RIMKLB: variants seen among roughly 807,000 people sequenced by gnomAD.
The protein encoded by RIMKLB is beta-citrylglutamate synthase B.
In RIMKLB, 7 loss-of-function variants were observed where a neutral mutation model predicts 32.0. That is an observed-to-expected ratio of 0.22 (90% CI 0.12 to 0.41). The LOEUF (loss-of-function observed/expected upper bound fraction) is 0.41, where lower values mean the gene tolerates loss of function less well. RIMKLB is among the 10% of genes least tolerant of loss of function. The probability of loss-of-function intolerance (pLI) is 1.00; values close to 1 mark genes in which losing one functional copy is unlikely to be tolerated. For synonymous variants in RIMKLB, 172 were observed against 185.1 expected (o/e 0.93, Z 0.57); for missense variants, 289 against 498.7 (o/e 0.58, Z 4.00).
chr12:8,682,239 G>A (rs1006709352), intron 1 of RIMKLB, among the ~76,000 whole-genome samples: 3 of 152,156 alleles, frequency 2.0e-5, no homozygotes, highest in African/African-American at 7.2e-5. Context: ...GGACACGAGA[G>A]GGCAACAAAT....
chr12:8,689,983 G>A (rs1310959816), intron 1 of RIMKLB, among the ~76,000 whole-genome samples: 25 of 152,042 alleles, frequency 1.6e-4, no homozygotes, highest in Non-Finnish European at 7.3e-5. Context: ...GTGACTGTCA[G>A]GGACTCTGAC....
intron 1 of RIMKLB, among the ~76,000 whole-genome samples, chr12:8,710,965 C>CAA (rs748394546): frequency 1.3e-3 from 84 of 65,672 alleles, no homozygotes; most frequent in African/African-American, 3.4e-3. Flanking sequence ...ACATCTTTAC[C>CAA]AAAAAAAAAA....
At chr12:8,687,870 C>T (rs929803801) in intron 1 of RIMKLB, among the ~76,000 whole-genome samples, 1 of 125,940 alleles carries the variant, frequency 7.9e-6, no homozygotes, top group Admixed American at 8.1e-5. Context: ...CTTCAAGAAA[C>T]AATTGCTTTG....
At chr12:8,770,423 A>G (rs1461537965) in intron 5 of RIMKLB, among the ~76,000 whole-genome samples, 1 of 152,150 alleles carries the variant, frequency 6.6e-6, no homozygotes, top group African/African-American at 2.4e-5. Flanking sequence ...GAACCCTTAT[A>G]TAGCACTTTA....
chr12:8,735,719 T>G (rs1946935211), intron 2 of RIMKLB, among the ~76,000 whole-genome samples: 2 of 132,638 alleles, frequency 1.5e-5, no homozygotes, highest in African/African-American at 4.0e-5. Flanking sequence ...CTTTCTTCGT[T>G]TTTTTTTTTG....
At chr12:8,764,892 A>G (rs2138085282) in intron 5 of RIMKLB, among the ~76,000 whole-genome samples, 1 of 151,236 alleles carries the variant, frequency 6.6e-6, no homozygotes, top group East Asian at 1.9e-4. Context: ...TTTCTGTTCC[A>G]GAGCCTCCAA....
At chr12:8,762,696 C>T (rs2138034615) in intron 5 of RIMKLB, among the ~76,000 whole-genome samples, 1 of 152,254 alleles carries the variant, frequency 6.6e-6, no homozygotes, top group South Asian at 2.1e-4. Flanking sequence ...CCTTCTAATT[C>T]TAGTGCCTGA....
At chr12:8,708,748 A>G (rs916716885) in intron 1 of RIMKLB, among the ~76,000 whole-genome samples, 11 of 152,218 alleles carry the variant, frequency 7.2e-5, no homozygotes, top group Non-Finnish European at 1.0e-4. Context: ...CTTATTTCCT[A>G]TTTCAGAAGA....
At chr12:8,686,031 C>T (rs907161413) in intron 1 of RIMKLB, among the ~76,000 whole-genome samples, 7 of 152,170 alleles carry the variant, frequency 4.6e-5, no homozygotes, top group Non-Finnish European at 5.9e-5. Context: ...TGGTCTCGAG[C>T]TCTTGACCTT....
chr12:8,779,835 C>CA (rs1288039043), downstream of RIMKLB: 1 of 152,162 alleles, frequency 6.6e-6, no homozygotes, highest in Non-Finnish European at 1.5e-5. Flanking sequence ...TGTTGATGCC[C>CA]AGTTCTACAA....
chr12:8,716,688 C>G (rs112856258), intron 2 of RIMKLB, among the ~76,000 whole-genome samples: 1 of 139,840 alleles, frequency 7.2e-6, no homozygotes, highest in Non-Finnish European at 1.5e-5. Flanking sequence ...ATTTTAATGA[C>G]TTTAGTTAGC....
chr12:8,758,077 G>A lies in RIMKLB; in HGVS notation c.697+3984G>A, dbSNP rs540569087. On this transcript the variant is annotated intron_variant, in intron 5 of 5. Coordinates refer to ENST00000535829, the MANE Select transcript of RIMKLB (RefSeq NM_001297776.2). ...CTCCCTGAGAGCTGGGATTACAGGC[G>A]TGAGCCACTGCGCCTGGCCTGTCAT... Among the ~76,000 whole-genome samples the A allele has an allele frequency of 6.6e-5, 10 of 151,948 alleles. 1 individual carries two copies. The highest frequency in any genetic ancestry group is 2.2e-4 in the African/African-American group (9 of 41,424).
At chr12:8,704,364 CA>C (rs138107866) in intron 1 of RIMKLB, among the ~76,000 whole-genome samples, 3,569 of 150,274 alleles carry the variant, frequency 0.024, 131 homozygotes, top group African/African-American at 0.082. Context: ...ACCTGGGTGA[CA>C]GAGTGAGACC....
intron 5 of RIMKLB, among the ~76,000 whole-genome samples, chr12:8,766,322 C>T (rs1340617254): frequency 2.0e-5 from 3 of 152,160 alleles, no homozygotes; most frequent in Non-Finnish European, 2.9e-5. Context: ...AGGGGTCCGG[C>T]TGCTGGATTC....
In RIMKLB at chr12:8,732,751, A is replaced by G. The variant is rs1233055903; in HGVS notation, c.176-17111A>G. The stretch of plus-strand genomic sequence containing the variant: ...TTATGCATGCAACAGAAAATTATAT[A>G]TATATACACACACACACACACACAC... On this transcript the variant is annotated intron_variant, in intron 2 of 5. Transcript: ENST00000535829. 3.3e-5 allele frequency among the ~76,000 whole-genome samples: 5 copies of G among 149,514 alleles called. No individual in the cohort carries two copies. The South Asian group carries it at 6.3e-4, about 19-fold the overall frequency.
upstream of RIMKLB, chr12:8,697,151 G>A (rs1405793145): frequency 1.3e-5 from 2 of 152,154 alleles, no homozygotes; most frequent in Non-Finnish European, 2.9e-5. Context: ...AGGCTCAGAG[G>A]AAGCGTAGCA....
At chr12:8,708,419 C>A (rs1219758277) in intron 1 of RIMKLB, among the ~76,000 whole-genome samples, 1 of 152,054 alleles carries the variant, frequency 6.6e-6, no homozygotes, top group African/African-American at 2.4e-5. Context: ...TAATAGAAAT[C>A]TTTTATGCTC....
At chr12:8,674,331 C>T in the RIMKLB span, among the ~76,000 whole-genome samples, 4 of 150,686 alleles carry the variant, frequency 2.7e-5, no homozygotes, top group Non-Finnish European at 5.9e-5. Context: ...CTCCACCTCC[C>T]GGGCTCATGC....
intron 1 of RIMKLB, among the ~76,000 whole-genome samples, chr12:8,710,761 A>G (rs932892751): frequency 6.6e-6 from 1 of 152,112 alleles, no homozygotes; most frequent in Non-Finnish European, 1.5e-5. Flanking sequence ...GCTAGTGACT[A>G]TAACATTCCA....
Sources: gnomAD v4.1 joint callset for allele counts (sites outside exome capture counted in the v4.1 genomes callset) on GRCh38, gnomAD v4.1.1 for gene constraint, MANE v1.5 for transcripts, NCBI Gene and HGNC (gene_info 2026-07-23, HGNC 2026-07-21) for gene names.